TAFA1: variants seen among roughly 807,000 people sequenced by gnomAD.
TAFA1 encodes chemokine-like protein TAFA-1.
A neutral mutation model predicts 18.5 loss-of-function variants in TAFA1; 4 were observed. The observed-to-expected ratio is 0.22, with a 90% CI of 0.11 to 0.49. TAFA1 has a LOEUF of 0.49. TAFA1 is among the 20% of genes least tolerant of loss of function. The pLI is 0.98. For synonymous variants in TAFA1, 56 were observed against 55.2 expected (o/e 1.01, Z -0.06); for missense variants, 147 against 169.0 (o/e 0.87, Z 0.72).
chr3:68,022,049 T>C (rs1704702565), intron 2 of TAFA1, among the ~76,000 whole-genome samples: 1 of 152,214 alleles, frequency 6.6e-6, no homozygotes, highest in Admixed American at 6.5e-5. Flanking sequence ...GTAAAGGATT[T>C]ATTAATTATA....
chr3:68,389,936 A>G (rs902152644), intron 2 of TAFA1, among the ~76,000 whole-genome samples: 24 of 152,212 alleles, frequency 1.6e-4, no homozygotes, highest in African/African-American at 5.8e-4. Context: ...GGGCAGCCAT[A>G]TGGGCAGACA....
chr3:68,510,745 G>T (rs2072833905), intron 3 of TAFA1, among the ~76,000 whole-genome samples: 1 of 152,074 alleles, frequency 6.6e-6, no homozygotes, highest in African/African-American at 2.4e-5. Flanking sequence ...GGGGAATTTT[G>T]ACTCCCAATT....
chr3:68,240,118 C>T (rs992840171), intron 2 of TAFA1, among the ~76,000 whole-genome samples: 2 of 152,154 alleles, frequency 1.3e-5, no homozygotes, highest in Non-Finnish European at 2.9e-5. Flanking sequence ...GTTTTCTCTA[C>T]TACACTTTTA....
intron 2 of TAFA1, among the ~76,000 whole-genome samples, chr3:68,388,697 T>A (rs1031912992): frequency 6.6e-6 from 1 of 152,168 alleles, no homozygotes; most frequent in African/African-American, 2.4e-5. Context: ...ACTCTGAAAC[T>A]GACAACTCTA....
At chr3:68,440,412 A>G (rs1163385156) in intron 3 of TAFA1, among the ~76,000 whole-genome samples, 2 of 152,202 alleles carry the variant, frequency 1.3e-5, no homozygotes, top group Admixed American at 6.5e-5. Context: ...GGCACATGAT[A>G]AAGGAAAAAG....
At chr3:68,338,207 T>C (rs2069009715) in intron 2 of TAFA1, among the ~76,000 whole-genome samples, 2 of 152,086 alleles carry the variant, frequency 1.3e-5, no homozygotes, top group Non-Finnish European at 2.9e-5. Context: ...ATCCATCACA[T>C]TTTACAGAGC....
At position 68,081,781 on chromosome 3, in the gene TAFA1, G is replaced by T. The variant is rs568547313; in HGVS notation, c.118+75037G>T. Reference sequence around the variant, plus strand: ...CTGTCTTTTTGTTTGTCTTTGCCCTGCCCCTAGAGGTGGAGCCTACAGAGG... The same window carrying T: ...CTGTCTTTTTGTTTGTCTTTGCCCTTCCCCTAGAGGTGGAGCCTACAGAGG... On this transcript the variant is annotated intron_variant, in intron 2 of 4. Transcript: ENST00000478136. 4.5e-3 allele frequency among the ~76,000 whole-genome samples: 680 copies of T among 152,342 alleles called. 6 individuals are homozygous for T. The highest frequency in any genetic ancestry group is 0.015 in the African/African-American group (623 of 41,584).
chr3:68,081,790 G>C (rs930668316), intron 2 of TAFA1, among the ~76,000 whole-genome samples: 1 of 152,212 alleles, frequency 6.6e-6, no homozygotes, highest in Non-Finnish European at 1.5e-5. Context: ...TGCCCCTAGA[G>C]GTGGAGCCTA....
intron 2 of TAFA1, among the ~76,000 whole-genome samples, chr3:68,288,054 G>A (rs1055501260): frequency 1.3e-5 from 2 of 151,974 alleles, no homozygotes; most frequent in Non-Finnish European, 1.5e-5. Context: ...GCTTTCCTTG[G>A]GTTCCGAAGC....
chr3:68,385,521 T>A (rs555827740), intron 2 of TAFA1, among the ~76,000 whole-genome samples: 1 of 152,240 alleles, frequency 6.6e-6, no homozygotes, highest in Admixed American at 6.6e-5. Context: ...TTATCTTTTT[T>A]TTAAAAGGAT....
At chr3:68,155,687 A>C (rs1030099686) in intron 2 of TAFA1, among the ~76,000 whole-genome samples, 1 of 152,194 alleles carries the variant, frequency 6.6e-6, no homozygotes, top group Non-Finnish European at 1.5e-5. Flanking sequence ...CATTCCATCC[A>C]TAAAGGGAAA....
chr3:68,079,499 T>G (rs537002498), intron 2 of TAFA1, among the ~76,000 whole-genome samples: 1 of 152,314 alleles, frequency 6.6e-6, no homozygotes, highest in South Asian at 2.1e-4. Context: ...TCCCAGAGAT[T>G]CTGGTATGTT....
At chr3:68,312,507 A>C (rs983454231) in intron 2 of TAFA1, among the ~76,000 whole-genome samples, 1 of 152,180 alleles carries the variant, frequency 6.6e-6, no homozygotes, top group Non-Finnish European at 1.5e-5. Flanking sequence ...AAGTTCCACA[A>C]ATCTCTAGCT....
chr3:68,020,517 GTAGGTGTT>G (rs1256764828), intron 2 of TAFA1, among the ~76,000 whole-genome samples: 1 of 151,764 alleles, frequency 6.6e-6, no homozygotes, highest in Non-Finnish European at 1.5e-5. Flanking sequence ...TTGCCATATA[GTAGGTGTT>G]TAGGACATGT....
intron 2 of TAFA1, among the ~76,000 whole-genome samples, chr3:68,139,978 C>A (rs1302748065): frequency 6.6e-6 from 1 of 152,120 alleles, no homozygotes; most frequent in Middle Eastern, 3.2e-3. Context: ...GTTGTTAAGA[C>A]TAAATGAAAT....
chr3:68,285,387 T>C (rs984859219), intron 2 of TAFA1, among the ~76,000 whole-genome samples: 1 of 152,114 alleles, frequency 6.6e-6, no homozygotes, highest in Admixed American at 6.6e-5. Context: ...AATGAAGATA[T>C]ACTTTTAAGA....
intron 2 of TAFA1, among the ~76,000 whole-genome samples, chr3:68,263,450 C>T (rs2067477188): frequency 6.9e-6 from 1 of 144,492 alleles, no homozygotes; most frequent in Non-Finnish European, 1.5e-5. Context: ...CACACATACA[C>T]ACACACACAC....
intron 2 of TAFA1, among the ~76,000 whole-genome samples, chr3:68,114,222 A>G (rs2065299413): frequency 6.6e-6 from 1 of 151,998 alleles, no homozygotes. Context: ...CCCCATCCTA[A>G]GCTGGCCAAT....
intron 2 of TAFA1, among the ~76,000 whole-genome samples, chr3:68,298,101 C>CA (rs1304928071): frequency 2.0e-5 from 3 of 152,162 alleles, no homozygotes; most frequent in Non-Finnish European, 4.4e-5. Flanking sequence ...ATCCATTAGG[C>CA]AGAGGAAATG....
Sources: allele counts gnomAD v4.1 joint callset (sites outside exome capture counted in the v4.1 genomes callset), GRCh38; gene constraint gnomAD v4.1.1; transcripts MANE v1.5; gene names NCBI Gene and HGNC (gene_info 2026-07-23, HGNC 2026-07-21).